Variants in TET1 observed in about 807,000 individuals in gnomAD.
The protein encoded by TET1 is tet methylcytosine dioxygenase 1.
A neutral mutation model predicts 148.7 loss-of-function variants in TET1; 13 were observed. That is an observed-to-expected ratio of 0.09 (90% CI 0.06 to 0.14). The LOEUF is 0.14. Ranked by LOEUF, TET1 falls within the 10% of genes least tolerant of loss-of-function variation. TET1 has a pLI of 1.00. For missense variants in TET1, 2,182 were observed against 2,553.8 expected, an observed-to-expected ratio of 0.85 and a Z score of 3.14; for synonymous variants, 907 against 937.2, an observed-to-expected ratio of 0.97 and a Z score of 0.59.
intron 2 of TET1, among the ~76,000 whole-genome samples, chr10:68,589,231 C>T (rs911067686): frequency 2.4e-4 from 36 of 152,180 alleles, no homozygotes; most frequent in African/African-American, 7.9e-4. Flanking sequence ...CTCTCCTATT[C>T]CTTCAAGCAG....
At chr10:68,633,313 T>A (rs2054603726) in intron 3 of TET1, among the ~76,000 whole-genome samples, 1 of 152,192 alleles carries the variant, frequency 6.6e-6, no homozygotes, top group Non-Finnish European at 1.5e-5. Flanking sequence ...TTAATCTATA[T>A]TTGTATGGTC....
chr10:68,590,089 C>G (rs1330530947), intron 2 of TET1, among the ~76,000 whole-genome samples: 1 of 152,104 alleles, frequency 6.6e-6, no homozygotes, highest in Non-Finnish European at 1.5e-5. Context: ...GACTGAGAGT[C>G]AAGTGCCATA....
chr10:68,690,718 C>A, intron 11 of TET1, 90 bp from the exon 12 acceptor site: 1 of 1,321,228 alleles, frequency 7.6e-7, no homozygotes, highest in East Asian at 2.4e-5. Context: ...TTATATAATT[C>A]TTTGTACTTG....
At chr10:68,588,498 T>C (rs1338440781) in intron 2 of TET1, among the ~76,000 whole-genome samples, 1 of 152,168 alleles carries the variant, frequency 6.6e-6, no homozygotes, top group Non-Finnish European at 1.5e-5. Flanking sequence ...TTAGTCACCA[T>C]ATCTCTGAGC....
chr10:68,581,492 G>T (rs2053797606), intron 2 of TET1, among the ~76,000 whole-genome samples: 1 of 152,168 alleles, frequency 6.6e-6, no homozygotes, highest in African/African-American at 2.4e-5. Context: ...TAGAGAGTAG[G>T]TGCTTTGGCT....
At chr10:68,609,669 G>A (rs552190384) in intron 3 of TET1, among the ~76,000 whole-genome samples, 1 of 152,166 alleles carries the variant, frequency 6.6e-6, no homozygotes, top group Non-Finnish European at 1.5e-5. Context: ...TTTGATTAAA[G>A]CATAGATTAT....
At chr10:68,607,170 T>C (rs985905503) in intron 3 of TET1, among the ~76,000 whole-genome samples, 1 of 143,166 alleles carries the variant, frequency 7.0e-6, no homozygotes, top group Non-Finnish European at 1.5e-5. Flanking sequence ...ATTCAGGCTA[T>C]TAAAAAAAAA....
intron 8 of TET1, among the ~76,000 whole-genome samples, chr10:68,680,425 A>G (rs2055420492): frequency 6.6e-6 from 1 of 152,172 alleles, no homozygotes; most frequent in Admixed American, 6.5e-5. Flanking sequence ...TTGATCTGCC[A>G]CTTCAGCCTC....
intron 11 of TET1, among the ~76,000 whole-genome samples, chr10:68,687,745 G>A (rs991032425): frequency 3.3e-5 from 5 of 151,960 alleles, no homozygotes; most frequent in Middle Eastern, 3.2e-3. Context: ...GTGTGCCACT[G>A]TGTCTAGCTA....
rs189018676 is a variant in TET1, at chr10:68,655,717, G to A, written c.4461+3123G>A. Among the ~76,000 whole-genome samples, 56 of 152,090 alleles carry A rather than the reference G, an allele frequency of 3.7e-4. No individual in the cohort carries two copies. The East Asian group carries it at 4.6e-3, about 13-fold the overall frequency. ...ATAAATGCTGTAGCTTAAAGATTTCGGTAACAACTTTCTATTAGTATTTTT... is the reference window on the plus strand; with the variant it reads ...ATAAATGCTGTAGCTTAAAGATTTCAGTAACAACTTTCTATTAGTATTTTT... On this transcript the variant is annotated intron_variant, in intron 6 of 11. Coordinates refer to ENST00000373644, the MANE Select transcript of TET1 (RefSeq NM_030625.3).
chr10:68,618,173 T>C (rs2054322312), intron 3 of TET1, among the ~76,000 whole-genome samples: 1 of 152,166 alleles, frequency 6.6e-6, no homozygotes, highest in Admixed American at 6.6e-5. Flanking sequence ...TGCTTATGGC[T>C]TCTTGTGTCA....
chr10:68,625,380 T>C (rs116665985), intron 3 of TET1, among the ~76,000 whole-genome samples: 2,411 of 152,284 alleles, frequency 0.016, 76 homozygotes, highest in African/African-American at 0.056. Flanking sequence ...CTGCCAAGGC[T>C]TCATCACACA....
chr10:68,588,276 C>T (rs1206304196), intron 2 of TET1, among the ~76,000 whole-genome samples: 1 of 152,214 alleles, frequency 6.6e-6, no homozygotes, highest in Non-Finnish European at 1.5e-5. Flanking sequence ...CATCACTATG[C>T]TCAGCCTTAT....
intron 2 of TET1, among the ~76,000 whole-genome samples, chr10:68,576,739 ATTTTC>A (rs1331467432): frequency 6.6e-6 from 1 of 151,858 alleles, no homozygotes; most frequent in Non-Finnish European, 1.5e-5. Context: ...TTTGTTTTTC[ATTTTC>A]TTTTCTGAGA....
At chr10:68,676,258 ATATATATATATTTTTTTT>A (rs1394892067) in intron 8 of TET1, among the ~76,000 whole-genome samples, 1,054 of 35,540 alleles carry the variant, frequency 0.03, 3 homozygotes, top group Admixed American at 0.05. Context: ...ATATATATAT[ATATATATATATTTTTTTT>A]TTTTTTTTTT....
chr10:68,633,066 C>T lies in TET1; in HGVS notation c.1969-11632C>T, dbSNP rs143887892. Reference sequence around the variant, plus strand: ...GGGCGTGGTGGTGGGCGCCTGTAATCCCAGCTACTAGTGAGGCTGAGGCAG... The same window carrying T: ...GGGCGTGGTGGTGGGCGCCTGTAATTCCAGCTACTAGTGAGGCTGAGGCAG... On this transcript the variant is annotated intron_variant, in intron 3 of 11. Transcript: ENST00000373644. Among the ~76,000 whole-genome samples, 358 of 152,050 alleles carry T rather than the reference C, an allele frequency of 2.4e-3. 2 individuals carry two copies. Among genetic ancestry groups the T allele is most frequent in the African/African-American group, 8.4e-3 (348 of 41,490 alleles).
intron 2 of TET1, among the ~76,000 whole-genome samples, chr10:68,588,345 C>A (rs144453767): frequency 1.3e-5 from 2 of 152,282 alleles, no homozygotes; most frequent in Non-Finnish European, 2.9e-5. Context: ...TTGTCTCATA[C>A]AATCTTACAA....
In TET1 at chr10:68,572,724, C is replaced by T. The variant is rs1487867489; in HGVS notation, c.386C>T (p.Pro129Leu). Residue 129 changes from proline (P) to leucine (L), a missense_variant, in exon 2 of 12, where the codon CCA becomes CTA. By Grantham distance (98) the Pro-to-Leu change is moderately conservative (BLOSUM62 -3). Coordinates refer to ENST00000373644, the MANE Select transcript of TET1 (RefSeq NM_030625.3). The part of the protein sequence containing the change: ...PLVVAKSKKV[P>L]LSKGLEKQHD... Reference sequence around the variant, plus strand: ...GTCGTAGCCAAATCCAAAAAGGTTCCACTTTCTAAGGGTTTAGAAAAGCAA... The same window carrying T: ...GTCGTAGCCAAATCCAAAAAGGTTCTACTTTCTAAGGGTTTAGAAAAGCAA... 1.2e-6 allele frequency: 2 copies of T among 1,614,004 alleles called. No individual in the cohort carries two copies. The highest frequency in any genetic ancestry group is 1.7e-6 in the Non-Finnish European group (2 of 1,180,040).
intron 3 of TET1, among the ~76,000 whole-genome samples, chr10:68,602,424 A>G (rs1388450073): frequency 6.6e-6 from 1 of 152,214 alleles, no homozygotes; most frequent in Non-Finnish European, 1.5e-5. Context: ...TCTTCCTCTT[A>G]AAAATGGCTC....
Sources: gnomAD v4.1 joint callset for allele counts (sites outside exome capture counted in the v4.1 genomes callset) on GRCh38, gnomAD v4.1.1 for gene constraint, MANE v1.5 for transcripts, NCBI Gene and HGNC (gene_info 2026-07-23, HGNC 2026-07-21) for gene names.